ZNF678: variants seen among roughly 807,000 people sequenced by gnomAD.
ZNF678 encodes hypothetical protein MGC42493.
Under a neutral mutation model 3.0 loss-of-function variants are expected in ZNF678, and 5 were observed. The observed-to-expected ratio is 1.69, with a 90% confidence interval of 0.88 to 3.56. ZNF678 has a LOEUF of 3.56. ZNF678 is among the 30% of genes most tolerant of loss of function. The pLI is 0.00. For synonymous variants in ZNF678, 218 were observed against 199.6 expected, an observed-to-expected ratio of 1.09 and a Z score of -0.78; for missense variants, 593 against 605.0, an observed-to-expected ratio of 0.98 and a Z score of 0.21.
In ZNF678 at chr1:227,619,092, A is replaced by G. The variant is rs1156754825; in HGVS notation, c.-163-27452A>G. 2.6e-5 allele frequency among the ~76,000 whole-genome samples: 4 copies of G among 152,150 alleles called. No individual in the cohort carries two copies. The East Asian group carries it at 7.7e-4, about 29-fold the overall frequency. ...GAACAGCATGGGGGAAACCATCCCC[A>G]TGATTTAATTATCCCCACCAGACCC... On this transcript the variant is annotated intron_variant, in intron 1 of 3. Transcript: ENST00000343776.
intron 1 of ZNF678, among the ~76,000 whole-genome samples, chr1:227,625,639 A>C (rs1477888695): frequency 6.6e-6 from 1 of 152,184 alleles, no homozygotes; most frequent in South Asian, 2.1e-4. Context: ...CCAAGGCTTC[A>C]TGGAGCCCAG....
At chr1:227,673,651 T>C (rs1289728103) in intron 5 of ZNF678, among the ~76,000 whole-genome samples, 1 of 152,214 alleles carries the variant, frequency 6.6e-6, no homozygotes, top group Non-Finnish European at 1.5e-5. Context: ...TCTAAAACTA[T>C]TCCTCTGGGT....
intron 1 of ZNF678, among the ~76,000 whole-genome samples, chr1:227,614,510 C>A (rs573681558): frequency 8.9e-4 from 135 of 152,284 alleles, no homozygotes; most frequent in Non-Finnish European, 1.7e-3. Context: ...GACCTTCTTC[C>A]CTATTTATAA....
intron 1 of ZNF678, among the ~76,000 whole-genome samples, chr1:227,588,836 T>C (rs970317628): frequency 1.3e-5 from 2 of 152,048 alleles, no homozygotes; most frequent in African/African-American, 2.4e-5. Flanking sequence ...CCATTTTGAT[T>C]GGCATGAGAT....
intron 1 of ZNF678, among the ~76,000 whole-genome samples, chr1:227,565,075 T>TTTTA (rs1490785332): frequency 0.017 from 2,363 of 138,308 alleles, 130 homozygotes; most frequent in South Asian, 0.065. Context: ...TTTTTTTTTT[T>TTTTA]TTTTTGGTTG....
At chr1:227,576,667 T>C (rs1421351867) in intron 1 of ZNF678, among the ~76,000 whole-genome samples, 1 of 151,964 alleles carries the variant, frequency 6.6e-6, no homozygotes, top group Non-Finnish European at 1.5e-5. Context: ...TGGTCTATTT[T>C]ATTAATTAAA....
intron 1 of ZNF678, among the ~76,000 whole-genome samples, chr1:227,568,963 G>C (rs925023405): frequency 6.6e-6 from 1 of 152,196 alleles, no homozygotes; most frequent in South Asian, 2.1e-4. Context: ...GCTCTGTTCT[G>C]TACACAGGCT....
intron 1 of ZNF678, among the ~76,000 whole-genome samples, chr1:227,636,654 T>C (rs1051216868): frequency 6.6e-6 from 1 of 152,222 alleles, no homozygotes; most frequent in Non-Finnish European, 1.5e-5. Flanking sequence ...ATAGTTTTTT[T>C]CTTTGTTTAG....
chr1:227,565,418 A>G (rs1198673860), intron 1 of ZNF678, among the ~76,000 whole-genome samples: 1 of 152,082 alleles, frequency 6.6e-6, no homozygotes, highest in Non-Finnish European at 1.5e-5. Context: ...ATGCAGTGAC[A>G]TTGTCATAGC....
intron 1 of ZNF678, among the ~76,000 whole-genome samples, chr1:227,608,539 T>G (rs1657936395): frequency 6.6e-6 from 1 of 152,166 alleles, no homozygotes; most frequent in Non-Finnish European, 1.5e-5. Context: ...ATTCTACAAA[T>G]TATTACTAAT....
intron 1 of ZNF678, among the ~76,000 whole-genome samples, chr1:227,636,643 G>A (rs1323286342): frequency 1.3e-5 from 2 of 152,174 alleles, no homozygotes; most frequent in African/African-American, 2.4e-5. Context: ...TACCTTTAAG[G>A]ATAGTTTTTT....
chr1:227,640,239 ATGCTAGAG>A lies in ZNF678; in HGVS notation c.-163-6303_-163-6296del, dbSNP rs551367749. ...TGAGGAAGGAGAATGAGTACAGGCA[ATGCTAGAG>A]TTGTCCTGAGGAGAGGATGGTGTAG... is the stretch of plus-strand genomic sequence containing the variant. On this transcript the variant is annotated intron_variant, in intron 1 of 3. Transcript: ENST00000343776. Among the ~76,000 whole-genome samples, 19 of 152,214 alleles carry A rather than the reference ATGCTAGAG, an allele frequency of 1.2e-4. No homozygotes were observed. In the East Asian group the frequency reaches 3.3e-3, roughly 26 times the overall value.
intron 1 of ZNF678, among the ~76,000 whole-genome samples, chr1:227,603,333 C>G (rs960471535): frequency 5.9e-5 from 9 of 152,130 alleles, no homozygotes; most frequent in African/African-American, 2.2e-4. Flanking sequence ...GGGGGAAGTG[C>G]TAGGTGGTTC....
intron 1 of ZNF678, among the ~76,000 whole-genome samples, chr1:227,587,038 A>T (rs773725896): frequency 9.9e-5 from 15 of 152,186 alleles, no homozygotes; most frequent in Admixed American, 9.2e-4. Flanking sequence ...ATTCAATTCA[A>T]TTTGGGTTGG....
chr1:227,582,470 T>A (rs1407724413), intron 1 of ZNF678: 1 of 158,416 alleles, frequency 6.3e-6, no homozygotes, highest in Non-Finnish European at 1.4e-5. Context: ...CACAGGGGCA[T>A]GCCACTTGCC....
At chr1:227,667,464 T>A (rs1013434014) in intron 5 of ZNF678, among the ~76,000 whole-genome samples, 3 of 152,146 alleles carry the variant, frequency 2.0e-5, no homozygotes, top group African/African-American at 7.2e-5. Context: ...AAAACTTGGT[T>A]CACAGGCTAC....
chr1:227,591,029 T>A (rs919152709), intron 1 of ZNF678, among the ~76,000 whole-genome samples: 7 of 151,804 alleles, frequency 4.6e-5, no homozygotes, highest in Admixed American at 4.6e-4. Context: ...CCTATTACAG[T>A]TCCTCCACAT....
intron 1 of ZNF678, among the ~76,000 whole-genome samples, chr1:227,575,159 T>C (rs1656956422): frequency 6.6e-6 from 1 of 152,204 alleles, no homozygotes; most frequent in Admixed American, 6.5e-5. Context: ...TGTAGTATAG[T>C]TTGAAGTTGG....
At chr1:227,653,768 GAT>G (rs1302649945) in intron 3 of ZNF678, among the ~76,000 whole-genome samples, 2 of 152,062 alleles carry the variant, frequency 1.3e-5, no homozygotes, top group Non-Finnish European at 2.9e-5. Context: ...TGCTACACCT[GAT>G]GTCTGTCTGT....
Sources: gnomAD v4.1 joint callset for allele counts (sites outside exome capture counted in the v4.1 genomes callset) on GRCh38, gnomAD v4.1.1 for gene constraint, MANE v1.5 for transcripts, NCBI Gene and HGNC (gene_info 2026-07-23, HGNC 2026-07-21) for gene names.